TENM2: variants seen among roughly 807,000 people sequenced by gnomAD.
TENM2 encodes the protein teneurin transmembrane protein 2, also known as teneurin-2.
Under a neutral mutation model 245.2 loss-of-function variants are expected in TENM2, and 52 were observed. That is an observed-to-expected ratio of 0.21 (90% CI 0.17 to 0.27). The LOEUF (loss-of-function observed/expected upper bound fraction) is 0.27, where lower values mean the gene tolerates loss of function less well. TENM2 is among the 10% of genes least tolerant of loss of function. The pLI is 1.00. For synonymous variants in TENM2, 1,363 were observed against 1,438.9 expected (o/e 0.95, Z 1.19); for missense variants, 3,046 against 3,666.8 (o/e 0.83, Z 4.37).
the TENM2 span, among the ~76,000 whole-genome samples, chr5:167,019,302 G>C: frequency 6.6e-6 from 1 of 152,224 alleles, no homozygotes; most frequent in East Asian, 1.9e-4. Context: ...GGTCAAAAAA[G>C]AACATGATTG....
intron 2 of TENM2, among the ~76,000 whole-genome samples, chr5:167,827,633 G>GGGT (rs1554126503): frequency 8.3e-6 from 1 of 120,030 alleles, no homozygotes; most frequent in Non-Finnish European, 1.7e-5. Flanking sequence ...GTGGGCGGGG[G>GGGT]GGGGGGAACA....
the TENM2 span, among the ~76,000 whole-genome samples, chr5:167,001,808 T>G: frequency 1.3e-5 from 2 of 152,124 alleles, no homozygotes; most frequent in African/African-American, 4.8e-5. Context: ...TAGCTGGAAT[T>G]TGAGTACCAT....
At chr5:167,810,854 A>G (rs1766585259) in intron 2 of TENM2, among the ~76,000 whole-genome samples, 1 of 152,106 alleles carries the variant, frequency 6.6e-6, no homozygotes, top group Non-Finnish European at 1.5e-5. Flanking sequence ...CTCAAATCAG[A>G]TTAAGGAAAG....
At chr5:167,114,293 TA>T in the TENM2 span, among the ~76,000 whole-genome samples, 1 of 152,228 alleles carries the variant, frequency 6.6e-6, no homozygotes, top group African/African-American at 2.4e-5. Flanking sequence ...AAGTAGTCTT[TA>T]AAAACATGGC....
At chr5:167,019,733 A>G in the TENM2 span, among the ~76,000 whole-genome samples, 9 of 151,944 alleles carry the variant, frequency 5.9e-5, no homozygotes, top group African/African-American at 2.2e-4. Context: ...GCCTCCCAAA[A>G]TGCTGGAATT....
chr5:167,337,123 CAAAAAAAAAAA>C (rs71591174), intron 1 of TENM2, among the ~76,000 whole-genome samples: 11 of 56,670 alleles, frequency 1.9e-4, no homozygotes, highest in Admixed American at 5.2e-4. Context: ...GACTCCGTCT[CAAAAAAAAAAA>C]AAAAAAAAAA....
the TENM2 span, among the ~76,000 whole-genome samples, chr5:167,107,329 A>C: frequency 7.1e-6 from 1 of 140,530 alleles, no homozygotes; most frequent in Non-Finnish European, 1.5e-5. Context: ...AAAGAAAAAG[A>C]AAGAAAGAAA....
At chr5:167,827,112 C>T (rs1047801466) in intron 2 of TENM2, among the ~76,000 whole-genome samples, 1 of 152,182 alleles carries the variant, frequency 6.6e-6, no homozygotes, top group Non-Finnish European at 1.5e-5. Flanking sequence ...ATGTATGTTT[C>T]TCTGTAGTGG....
chr5:167,137,568 T>C, the TENM2 span, among the ~76,000 whole-genome samples: 2 of 152,052 alleles, frequency 1.3e-5, no homozygotes, highest in Non-Finnish European at 2.9e-5. Flanking sequence ...AGCTTGAGAG[T>C]TGGGTTAAGC....
the TENM2 span, among the ~76,000 whole-genome samples, chr5:167,000,180 G>A: frequency 6.6e-6 from 1 of 152,160 alleles, no homozygotes; most frequent in Non-Finnish European, 1.5e-5. Context: ...ATTGGGTTAA[G>A]CAGCTAAAGG....
At chr5:167,827,628 C>CGGGGGG (rs386405597) in intron 2 of TENM2, among the ~76,000 whole-genome samples, 1 of 34,244 alleles carries the variant, frequency 2.9e-5, no homozygotes, top group African/African-American at 1.1e-4. Flanking sequence ...GCTAGGTGGG[C>CGGGGGG]GGGGGGGGGG....
At chr5:167,867,659 G>A (rs1772440943) in intron 2 of TENM2, among the ~76,000 whole-genome samples, 2 of 152,178 alleles carry the variant, frequency 1.3e-5, no homozygotes, top group South Asian at 4.1e-4. Context: ...AGATGATGTG[G>A]AATAGAACAA....
chr5:167,001,552 A>G, the TENM2 span, among the ~76,000 whole-genome samples: 6 of 152,248 alleles, frequency 3.9e-5, no homozygotes, highest in East Asian at 3.9e-4. Flanking sequence ...TTAAAAAAAA[A>G]AAAACATTAA....
intron 12 of TENM2, among the ~76,000 whole-genome samples, chr5:168,156,043 C>T (rs1455803684): frequency 6.6e-6 from 1 of 151,476 alleles, no homozygotes; most frequent in Non-Finnish European, 1.5e-5. Context: ...ACAAAAGAGG[C>T]AAAACTTTCT....
chr5:167,708,113 T>C (rs1393410210), intron 2 of TENM2, among the ~76,000 whole-genome samples: 1 of 152,120 alleles, frequency 6.6e-6, no homozygotes, highest in African/African-American at 2.4e-5. Context: ...TGATTCCTAT[T>C]GATTGGTAGA....
At position 168,247,763 on chromosome 5, in the gene TENM2, C is replaced by A. The variant is rs762364016; in HGVS notation, c.6824C>A (p.Ser2275Tyr). The A allele has an allele frequency of 6.2e-7, 1 of 1,613,958 alleles. No individual in the cohort carries two copies. The highest frequency in any genetic ancestry group is 8.5e-7 in the Non-Finnish European group (1 of 1,179,888). ...GATGGCTATCTGTGCCAGAGAGGGT[C>A]TGACATCTTCGAATACAATTCCAAG... Residue 2275 changes from serine to tyrosine, a missense_variant, in exon 27 of 29, where the codon TCT becomes TAT. This residue lies in a region of TENM2 where 2,704 missense variants were observed against 3,331.9 expected (regional missense o/e 0.81). Transcript: ENST00000518659. This position sits in a 1 kb window ranked among gnomAD's most constrained non-coding sequence, Gnocchi z 7.8.
intron 2 of TENM2, among the ~76,000 whole-genome samples, chr5:167,505,838 A>T (rs9791043): frequency 0.045 from 6,791 of 152,142 alleles, 425 homozygotes; most frequent in East Asian, 0.31. Flanking sequence ...TATTAAAGGG[A>T]TCATAATTGT....
chr5:167,507,320 G>A (rs1263386985), intron 2 of TENM2, among the ~76,000 whole-genome samples: 1 of 152,114 alleles, frequency 6.6e-6, no homozygotes, highest in African/African-American at 2.4e-5. Context: ...ACTCTCTGTG[G>A]CACAATTCAT....
chr5:167,763,520 G>A (rs1005450493), intron 2 of TENM2, among the ~76,000 whole-genome samples: 14 of 152,066 alleles, frequency 9.2e-5, no homozygotes, highest in African/African-American at 2.4e-4. Context: ...CTGGTGGGGC[G>A]GGGAATAGAA....
Sources: allele counts gnomAD v4.1 joint callset (sites outside exome capture counted in the v4.1 genomes callset), GRCh38; gene constraint gnomAD v4.1.1; regional missense constraint gnomAD v4.1.1; non-coding constraint Gnocchi (gnomAD v3.1); transcripts MANE v1.5; gene names NCBI Gene and HGNC (gene_info 2026-07-23, HGNC 2026-07-21).